Variants in L3MBTL4 observed in about 807,000 individuals in gnomAD.
L3MBTL4 encodes L3MBTL histone methyl-lysine binding protein 4.
Under a neutral mutation model 84.5 loss-of-function variants are expected in L3MBTL4, and 70 were observed. The observed-to-expected ratio is 0.83, with a 90% CI of 0.68 to 1.01. The LOEUF is 1.01. Among genes scored for constraint, L3MBTL4 ranks in the 50% least tolerant of loss-of-function variants. L3MBTL4 has a pLI of 0.00. For missense variants in L3MBTL4, 715 were observed against 754.8 expected (o/e 0.95, Z 0.62); for synonymous variants, 274 against 259.8 (o/e 1.05, Z -0.52).
At chr18:6,354,799 T>C (rs1378253970) in intron 1 of L3MBTL4, among the ~76,000 whole-genome samples, 2 of 152,228 alleles carry the variant, frequency 1.3e-5, no homozygotes, top group Middle Eastern at 3.4e-3. Flanking sequence ...GGTGAGGATG[T>C]GGAGAAAAGG....
chr18:6,064,585 A>G (rs1211775959), intron 16 of L3MBTL4, among the ~76,000 whole-genome samples: 3 of 129,402 alleles, frequency 2.3e-5, no homozygotes, highest in African/African-American at 5.9e-5. Flanking sequence ...TCCTTGATTA[A>G]GTATATTCCT....
intron 14 of L3MBTL4, among the ~76,000 whole-genome samples, chr18:6,110,306 C>A (rs1469078239): frequency 6.6e-6 from 1 of 152,094 alleles, no homozygotes; most frequent in Non-Finnish European, 1.5e-5. Context: ...CATACACATA[C>A]CTGGTCTGCT....
At chr18:6,147,217 A>C (rs886964090) in intron 13 of L3MBTL4, among the ~76,000 whole-genome samples, 1 of 152,122 alleles carries the variant, frequency 6.6e-6, no homozygotes, top group African/African-American at 2.4e-5. Flanking sequence ...GTTTGCTAAG[A>C]AGATTTAATG....
chr18:6,296,904 T>C (rs1357634885), intron 4 of L3MBTL4, among the ~76,000 whole-genome samples: 1 of 152,154 alleles, frequency 6.6e-6, no homozygotes, highest in East Asian at 1.9e-4. Context: ...TAAGGATGTC[T>C]CCAGGACTCT....
At chr18:6,376,804 T>A (rs1440664912) in intron 1 of L3MBTL4, among the ~76,000 whole-genome samples, 1 of 152,170 alleles carries the variant, frequency 6.6e-6, no homozygotes, top group Non-Finnish European at 1.5e-5. Context: ...CCTGAGCACT[T>A]AGAACAGTGT....
chr18:6,293,658 A>T (rs2049967563), intron 4 of L3MBTL4, among the ~76,000 whole-genome samples: 1 of 152,254 alleles, frequency 6.6e-6, no homozygotes, highest in Non-Finnish European at 1.5e-5. Flanking sequence ...ACCTTAATCA[A>T]GAAATCAAAG....
At chr18:6,138,323 G>A (rs1480463785) in intron 13 of L3MBTL4, 27 bp from the exon 14 acceptor site, 2 of 1,351,722 alleles carry the variant, frequency 1.5e-6, no homozygotes, top group Non-Finnish European at 2.1e-6. Context: ...AACATGCCTT[G>A]AAAACACCCT....
chr18:6,148,893 G>GA (rs1231528754), intron 13 of L3MBTL4, among the ~76,000 whole-genome samples: 1 of 151,906 alleles, frequency 6.6e-6, no homozygotes, highest in African/African-American at 2.4e-5. Flanking sequence ...TTTTTAATGT[G>GA]AATACTATTT....
intron 1 of L3MBTL4, among the ~76,000 whole-genome samples, chr18:6,370,678 TG>T (rs1351037544): frequency 2.6e-5 from 4 of 151,970 alleles, no homozygotes; most frequent in Non-Finnish European, 5.9e-5. Flanking sequence ...TTGGCGGTGG[TG>T]AAGAGTCCTC....
intron 1 of L3MBTL4, among the ~76,000 whole-genome samples, chr18:6,351,582 C>T (rs934578873): frequency 1.3e-5 from 2 of 151,656 alleles, no homozygotes; most frequent in Non-Finnish European, 2.9e-5. Flanking sequence ...GATGGAGTCT[C>T]GCTCTGTCGC....
chr18:6,153,672 G>A (rs1459418562), intron 13 of L3MBTL4, among the ~76,000 whole-genome samples: 1 of 152,128 alleles, frequency 6.6e-6, no homozygotes, highest in Non-Finnish European at 1.5e-5. Flanking sequence ...ATCCCCATGT[G>A]TTGAGGGAGG....
intron 4 of L3MBTL4, among the ~76,000 whole-genome samples, chr18:6,275,324 C>A (rs1281508555): frequency 6.6e-6 from 1 of 152,132 alleles, no homozygotes. Context: ...ACTTCACTGT[C>A]AAATTTGATT....
At chr18:6,348,610 A>T (rs1196165831) in intron 1 of L3MBTL4, among the ~76,000 whole-genome samples, 1 of 152,190 alleles carries the variant, frequency 6.6e-6, no homozygotes, top group African/African-American at 2.4e-5. Flanking sequence ...CTTAGAGAAA[A>T]AAACAAAACT....
At position 6,241,446 on chromosome 18, in the gene L3MBTL4, T is replaced by C; in HGVS notation, c.464A>G (p.Tyr155Cys). The change falls in exon 8 of 19, where the codon TAT (tyrosine) becomes TGT (cysteine). Residue 155 changes from tyrosine to cysteine, a missense_variant. Coordinates refer to ENST00000317931, the MANE Select transcript of L3MBTL4 (RefSeq NM_001330559.2). Reference sequence around the variant, plus strand: ...CATCCAAACAAATTTATCTTTTCTATAACCTAAAAAAAGCACAGATTACTC... The same window carrying C: ...CATCCAAACAAATTTATCTTTTCTACAACCTAAAAAAAGCACAGATTACTC... ...TKHELHIPKGYRKDKFVWMDY... is the reference protein window; with the variant it reads ...TKHELHIPKGCRKDKFVWMDY... 6.4e-7 allele frequency: 1 copy of C among 1,561,304 alleles called. No individual in the cohort carries two copies. The highest frequency in any genetic ancestry group is 2.3e-5 in the East Asian group (1 of 44,386).
intron 13 of L3MBTL4, among the ~76,000 whole-genome samples, chr18:6,147,305 C>G (rs899224581): frequency 6.6e-6 from 1 of 151,870 alleles, no homozygotes; most frequent in East Asian, 1.9e-4. Context: ...TTAATCATAC[C>G]TATTCTCCTC....
At chr18:6,274,806 G>C (rs2146512860) in intron 4 of L3MBTL4, among the ~76,000 whole-genome samples, 1 of 152,304 alleles carries the variant, frequency 6.6e-6, no homozygotes, top group East Asian at 1.9e-4. Flanking sequence ...GTCTCGATTT[G>C]AGATAGCTCT....
intron 13 of L3MBTL4, among the ~76,000 whole-genome samples, chr18:6,157,958 T>A (rs1271289745): frequency 6.6e-6 from 1 of 152,124 alleles, no homozygotes; most frequent in Non-Finnish European, 1.5e-5. Context: ...TTAGGGAGGG[T>A]TATTCTTGGC....
intron 13 of L3MBTL4, among the ~76,000 whole-genome samples, chr18:6,145,822 C>G (rs1279010895): frequency 6.6e-6 from 1 of 152,092 alleles, no homozygotes; most frequent in South Asian, 2.1e-4. Flanking sequence ...AGGGATATGG[C>G]GGCAAACCAG....
intron 16 of L3MBTL4, among the ~76,000 whole-genome samples, chr18:6,043,694 C>T (rs2056499725): frequency 6.6e-6 from 1 of 152,134 alleles, no homozygotes; most frequent in African/African-American, 2.4e-5. Flanking sequence ...GGTTCGATAC[C>T]TGGTTTGGGT....
Sources: gnomAD v4.1 joint callset for allele counts (sites outside exome capture counted in the v4.1 genomes callset) on GRCh38, gnomAD v4.1.1 for gene constraint, MANE v1.5 for transcripts, NCBI Gene and HGNC (gene_info 2026-07-23, HGNC 2026-07-21) for gene names.